Variants in SETDB1 observed in about 807,000 individuals in gnomAD.
The protein encoded by SETDB1 is histone-lysine N-methyltransferase SETDB1.
SETDB1 carries 31 observed loss-of-function variants against 137.4 expected under a neutral mutation model. The observed-to-expected ratio is 0.23, with a 90% confidence interval of 0.17 to 0.30. SETDB1 has a LOEUF of 0.30. SETDB1 is among the 10% of genes least tolerant of loss of function. SETDB1 has a pLI of 1.00. For missense variants in SETDB1, 1,113 were observed against 1,631.5 expected, an observed-to-expected ratio of 0.68 and a Z score of 5.47; for synonymous variants, 548 against 579.9, an observed-to-expected ratio of 0.95 and a Z score of 0.79.
intron 3 of SETDB1, among the ~76,000 whole-genome samples, chr1:150,939,010 C>G (rs587633030): frequency 2.4e-4 from 36 of 152,124 alleles, no homozygotes; most frequent in Admixed American, 5.2e-4. Flanking sequence ...GCAGTCTTGG[C>G]TTACTGCAAC....
Position 150,961,006 on chromosome 1 carries a change from G to A in SETDB1, c.2947G>A (p.Ala983Thr), listed in dbSNP as rs760913907. Residue 983 changes from alanine (A) to threonine (T), a missense_variant, in exon 16 of 22, where the codon GCC (alanine) becomes ACC (threonine). Ala to Thr is a moderately conservative substitution (Grantham distance 58, BLOSUM62 0). Transcript: ENST00000692827. ...SSEETPKNKV[A>T]SWLSCNSVSE... ...CGAAGAGACACCCAAGAACAAGGTG[G>A]CCTCATGGTTGAGCTGCAATAGTGT... is the stretch of plus-strand genomic sequence containing the variant. 1.9e-5 allele frequency: 30 copies of A among 1,613,768 alleles called. No individual in the cohort carries two copies. Among genetic ancestry groups the A allele is most frequent in the Non-Finnish European group, 2.5e-5 (30 of 1,180,018 alleles).
intron 2 of SETDB1, 150 bp downstream of exon 2, chr1:150,928,124 C>T (rs1163247916): frequency 2.3e-6 from 2 of 855,940 alleles, no homozygotes; most frequent in Non-Finnish European, 3.5e-6. Flanking sequence ...GTGGAGTGAT[C>T]CTGGCTCACT....
chr1:150,963,369 G>A, intron 19 of SETDB1, 161 bp from the exon 20 acceptor site: 2 of 773,556 alleles, frequency 2.6e-6, no homozygotes, highest in East Asian at 5.0e-5. Context: ...ATCTAATTAT[G>A]CTTGAAAAAA....
intron 3 of SETDB1, among the ~76,000 whole-genome samples, chr1:150,938,251 G>A (rs4970931): frequency 0.44 from 66,012 of 150,564 alleles, 15,133 homozygotes; most frequent in African/African-American, 0.55. Context: ...GTACTGATAC[G>A]TGGTACAACA....
chr1:150,945,279 C>A, intron 9 of SETDB1, 171 bp downstream of exon 9: 1 of 1,452,708 alleles, frequency 6.9e-7, no homozygotes, highest in Non-Finnish European at 9.1e-7. Flanking sequence ...TGTTCCTCTG[C>A]AGGTCATTGT....
intron 15 of SETDB1, 23 bp downstream of exon 15, chr1:150,959,370 T>G: frequency 1.9e-6 from 3 of 1,584,742 alleles, no homozygotes; most frequent in South Asian, 1.2e-5. Context: ...ATATAAGGGT[T>G]GTTTCCTGAG....
intron 14 of SETDB1, among the ~76,000 whole-genome samples, chr1:150,957,009 T>G (rs1368491061): frequency 6.6e-6 from 1 of 151,914 alleles, no homozygotes; most frequent in Non-Finnish European, 1.5e-5. Context: ...CCCAGCTACT[T>G]AGGAGACTGA....
intron 3 of SETDB1, among the ~76,000 whole-genome samples, chr1:150,934,565 C>A (rs1558012663): frequency 6.6e-6 from 1 of 152,144 alleles, no homozygotes; most frequent in Admixed American, 6.6e-5. Flanking sequence ...TATATTATAG[C>A]TACATGTTTA....
intron 3 of SETDB1, among the ~76,000 whole-genome samples, chr1:150,936,996 G>T (rs999814573): frequency 2.0e-5 from 3 of 152,090 alleles, no homozygotes; most frequent in African/African-American, 7.2e-5. Flanking sequence ...ATGGTGGTGG[G>T]TGCCTGTAAT....
chr1:150,962,579 C>G lies in SETDB1; in HGVS notation c.3162-8C>G. The G allele has an allele frequency of 6.2e-7, 1 of 1,613,858 alleles. No individual in the cohort carries two copies. The highest frequency in any genetic ancestry group is 8.5e-7 in the Non-Finnish European group (1 of 1,179,778). ...ACCTGTTGGCTTCATTCCTTCCCCTCCCATTAGAGTTACTGAAAGCTCTCG... is the reference window on the plus strand; with the variant it reads ...ACCTGTTGGCTTCATTCCTTCCCCTGCCATTAGAGTTACTGAAAGCTCTCG... On this transcript the variant is annotated splice_polypyrimidine_tract_variant and splice_region_variant and intron_variant, in intron 17 of 21. Transcript: ENST00000692827.
At position 150,959,362 on chromosome 1, in the gene SETDB1, A is replaced by G. The variant is rs368020189; in HGVS notation, c.2503+15A>G. Reference sequence around the variant, plus strand: ...TATTTATGCAGGTTGGTGATAAAATATAAGGGTTGTTTCCTGAGACTGGGA... The same window carrying G: ...TATTTATGCAGGTTGGTGATAAAATGTAAGGGTTGTTTCCTGAGACTGGGA... On this transcript the variant is annotated intron_variant, in intron 15 of 21. Transcript: ENST00000692827. 3.1e-6 allele frequency: 5 copies of G among 1,595,784 alleles called. No individual in the cohort carries two copies. Among genetic ancestry groups the G allele is most frequent in the South Asian group, 2.3e-5 (2 of 87,452 alleles).
chr1:150,943,398 C>T (rs1001318233), intron 7 of SETDB1, among the ~76,000 whole-genome samples: 5 of 152,100 alleles, frequency 3.3e-5, no homozygotes, highest in African/African-American at 9.7e-5. Context: ...GTTTTTTGGC[C>T]GGGCCCAGTG....
chr1:150,937,777 G>C (rs1026476107), intron 3 of SETDB1, among the ~76,000 whole-genome samples: 1 of 152,126 alleles, frequency 6.6e-6, no homozygotes, highest in Non-Finnish European at 1.5e-5. Flanking sequence ...AACATTTGTT[G>C]ATGTAAAAAC....
rs147485893 is a variant in SETDB1, at chr1:150,949,245, C to T, written c.1391C>T (p.Ala464Val). The change falls in exon 11 of 22, where the codon GCT becomes GTT. Residue 464 changes from alanine (A) to valine (V), a missense_variant. By Grantham distance (64) the Ala-to-Val change is moderately conservative. Coordinates refer to ENST00000692827, the MANE Select transcript of SETDB1 (RefSeq NM_001366418.1). ...TAPPAPPFPP[A>V]PPLSPQAGDS... ...CCACCTGCCCCACCTTTCCCACCTGCTCCACCTCTATCCCCCCAAGCAGGT... is the reference window on the plus strand; with the variant it reads ...CCACCTGCCCCACCTTTCCCACCTGTTCCACCTCTATCCCCCCAAGCAGGT... The T allele has an allele frequency of 9.3e-6, 15 of 1,613,954 alleles. No individual in the cohort carries two copies. In the African/African-American group the frequency reaches 1.3e-4, roughly 14 times the overall value.
intron 4 of SETDB1, among the ~76,000 whole-genome samples, chr1:150,940,887 G>C (rs1670120338): frequency 6.6e-6 from 1 of 151,792 alleles, no homozygotes; most frequent in African/African-American, 2.4e-5. Context: ...AGTCCCAGCT[G>C]CTTTGGAGGT....
intron 9 of SETDB1, among the ~76,000 whole-genome samples, 200 bp from the exon 10 acceptor site, chr1:150,946,686 G>T (rs1241123726): frequency 6.6e-6 from 1 of 152,120 alleles, no homozygotes; most frequent in African/African-American, 2.4e-5. Flanking sequence ...AACCTCGGGT[G>T]ATCCACCTGC....
intron 21 of SETDB1, 58 bp downstream of exon 21, chr1:150,964,141 G>A (rs1670915086): frequency 1.9e-6 from 3 of 1,542,918 alleles, no homozygotes; most frequent in Non-Finnish European, 2.7e-6. Context: ...AAGTTCTAAG[G>A]GCCCCTCCTC....
chr1:150,959,994 A>G (rs1670771087), intron 15 of SETDB1, among the ~76,000 whole-genome samples: 1 of 151,052 alleles, frequency 6.6e-6, no homozygotes, highest in African/African-American at 2.4e-5. Flanking sequence ...AATCACTTGA[A>G]CCCTTGAGGC....
In SETDB1 at chr1:150,963,755, C is replaced by A. The variant is rs1313400627; in HGVS notation, c.3672+14C>A. 1.2e-6 allele frequency: 2 copies of A among 1,610,994 alleles called. No individual in the cohort carries two copies. Among genetic ancestry groups the A allele is most frequent in the African/African-American group, 2.7e-5 (2 of 74,982 alleles). ...CGCTACCTCAACGTGAGACCCCTCT[C>A]CCCACCTCTAGATGCTGGATTATCC... On this transcript the variant is annotated intron_variant, in intron 20 of 21. Transcript: ENST00000692827.
Sources: gnomAD v4.1 joint callset for allele counts (sites outside exome capture counted in the v4.1 genomes callset) on GRCh38, gnomAD v4.1.1 for gene constraint, MANE v1.5 for transcripts, NCBI Gene and HGNC (gene_info 2026-07-23, HGNC 2026-07-21) for gene names.